Variants in GJB6 observed in about 807,000 individuals in gnomAD.
The protein encoded by GJB6 is gap junction beta-6 protein.
A neutral mutation model predicts 5.4 loss-of-function variants in GJB6; 5 were observed. The observed-to-expected ratio is 0.92, with a 90% CI of 0.48 to 1.93. The LOEUF is 1.93. Ranked by LOEUF, GJB6 falls within the 30% of genes most tolerant of loss-of-function variation. GJB6 has a pLI of 0.01. For synonymous variants in GJB6, 136 were observed against 129.6 expected (o/e 1.05, Z -0.34); for missense variants, 298 against 326.9 (o/e 0.91, Z 0.68).
At chr13:20,228,660 AT>A (rs796188895) in intron 4 of GJB6, among the ~76,000 whole-genome samples, 9 of 150,016 alleles carry the variant, frequency 6.0e-5, no homozygotes, top group Admixed American at 2.0e-4. Context: ...AATTTTTTGT[AT>A]TTTTAGTAGA....
At chr13:20,227,169 C>A (rs1218392392) in intron 4 of GJB6, among the ~76,000 whole-genome samples, 1 of 152,036 alleles carries the variant, frequency 6.6e-6, no homozygotes, top group Non-Finnish European at 1.5e-5. Flanking sequence ...ATTATAAGGG[C>A]AGTAGCTTTT....
chr13:20,223,646 T>A (rs1306705212), intron 4 of GJB6, among the ~76,000 whole-genome samples, 151 bp from the exon 5 acceptor site: 2 of 152,138 alleles, frequency 1.3e-5, no homozygotes, highest in African/African-American at 2.4e-5. Context: ...TGAGGTTTTC[T>A]GAAAAGGAAT....
chr13:20,231,775 C>T (rs746874908), intron 1 of GJB6, among the ~76,000 whole-genome samples: 58 of 152,354 alleles, frequency 3.8e-4, no homozygotes, highest in South Asian at 8.3e-4. Context: ...GGGGCACCGG[C>T]CCTCACTCTG....
chr13:20,224,957 C>T (rs937810125), intron 4 of GJB6, among the ~76,000 whole-genome samples: 10 of 152,306 alleles, frequency 6.6e-5, no homozygotes, highest in African/African-American at 1.2e-4. Flanking sequence ...CTCTGCATTA[C>T]GCTGGCTGCT....
chr13:20,225,149 C>T (rs1466045067), intron 4 of GJB6: 1 of 152,106 alleles, frequency 6.6e-6, no homozygotes, highest in Non-Finnish European at 1.5e-5. Context: ...TTTTTTTGCC[C>T]TTGGTTGGGT....
At chr13:20,228,391 A>C (rs1408693340) in intron 4 of GJB6, among the ~76,000 whole-genome samples, 1 of 152,228 alleles carries the variant, frequency 6.6e-6, no homozygotes, top group Non-Finnish European at 1.5e-5. Context: ...TTAAACTTAA[A>C]AAGGTAAACT....
chr13:20,230,228 G>C (rs556356599), intron 3 of GJB6: 1 of 152,200 alleles, frequency 6.6e-6, no homozygotes, highest in Admixed American at 6.5e-5. Flanking sequence ...GTAACAGCTA[G>C]TGATAACAAT....
chr13:20,228,612 G>A (rs1331402586), intron 4 of GJB6, among the ~76,000 whole-genome samples: 7 of 146,444 alleles, frequency 4.8e-5, no homozygotes, highest in South Asian at 2.1e-4. Flanking sequence ...GCCTCTCTGA[G>A]CAGCTGGGAC....
chr13:20,228,152 A>T (rs905610667), intron 4 of GJB6, among the ~76,000 whole-genome samples: 1 of 152,236 alleles, frequency 6.6e-6, no homozygotes, highest in African/African-American at 2.4e-5. Flanking sequence ...AAATCATCGC[A>T]TCCACTGGGA....
intron 4 of GJB6, among the ~76,000 whole-genome samples, chr13:20,227,988 G>T (rs1869710949): frequency 7.3e-6 from 1 of 137,662 alleles, no homozygotes; most frequent in Admixed American, 7.8e-5. Context: ...GATGTTGTGG[G>T]TTGGGGGTGG....
At chr13:20,225,807 T>G (rs1869535694) in intron 4 of GJB6, 1 of 152,222 alleles carries the variant, frequency 6.6e-6, no homozygotes, top group Non-Finnish European at 1.5e-5. Context: ...CACCGAGTCT[T>G]GGAATCACAA....
At chr13:20,228,396 T>TAA (rs1461248140) in intron 4 of GJB6, among the ~76,000 whole-genome samples, 1 of 152,226 alleles carries the variant, frequency 6.6e-6, no homozygotes, top group Non-Finnish European at 1.5e-5. Flanking sequence ...CTTAAAAAGG[T>TAA]AAACTGTGTT....
At chr13:20,231,248 G>A (rs1258393736) in intron 2 of GJB6, 134 bp downstream of exon 2, 2 of 152,268 alleles carry the variant, frequency 1.3e-5, no homozygotes, top group Non-Finnish European at 2.9e-5. Flanking sequence ...ACCCGGCACG[G>A]TTACGTTCAA....
chr13:20,229,801 C>G (rs1381406940), intron 3 of GJB6, 52 bp from the exon 4 acceptor site: 1 of 106,994 alleles, frequency 9.3e-6, no homozygotes, highest in Non-Finnish European at 2.0e-5. Context: ...CTCCCCCCCC[C>G]CCCGCCCCCC....
At chr13:20,229,116 C>T (rs1380399596) in intron 4 of GJB6, among the ~76,000 whole-genome samples, 1 of 78,508 alleles carries the variant, frequency 1.3e-5, no homozygotes, top group Non-Finnish European at 2.2e-5. Flanking sequence ...CTTTCAATGT[C>T]ATTTAGCAAA....
At chr13:20,228,756 T>A (rs555835338) in intron 4 of GJB6, among the ~76,000 whole-genome samples, 1 of 151,924 alleles carries the variant, frequency 6.6e-6, no homozygotes, top group African/African-American at 2.4e-5. Context: ...AGTGCTGGGA[T>A]TACAAGCATG....
At position 20,222,739 on chromosome 13, in the gene GJB6, T is replaced by A; in HGVS notation, c.742A>T (p.Ile248Phe). The change falls in exon 5 of 5, where the codon ATT becomes TTT. Residue 248 changes from isoleucine to phenylalanine, a missense_variant. Transcript: ENST00000647029. ...ATTGCATTTTGACCACTATCTGAAATCAGCTCATTCATTTCATTCTGCTTA... is the reference window on the plus strand; with the variant it reads ...ATTGCATTTTGACCACTATCTGAAAACAGCTCATTCATTTCATTCTGCTTA... ...ESKQNEMNELISDSGQNAITG... is the reference protein window; with the variant it reads ...ESKQNEMNELFSDSGQNAITG... The A allele has an allele frequency of 1.2e-6, 2 of 1,614,168 alleles. No homozygotes were observed. The highest frequency in any genetic ancestry group is 1.7e-6 in the Non-Finnish European group (2 of 1,179,986).
Position 20,223,061 on chromosome 13 carries a change from G to A in GJB6, c.420C>T (p.Ile140=), listed in dbSNP as rs1593363127. Residue 140 remains isoleucine, a synonymous_variant, in exon 5 of 5, where the codon ATC becomes ATT. Coordinates refer to ENST00000647029, the MANE Select transcript of GJB6 (RefSeq NM_001110219.3). ...GSLWWTYTSS[I]FFRIIFEAAF... ...CTGCTTCAAAGATGATTCGGAAAAA[G>A]ATGCTGCTGGTGTACGTCCACCACA... The A allele has an allele frequency of 6.2e-7, 1 of 1,614,192 alleles. No individual in the cohort carries two copies. Among genetic ancestry groups the A allele is most frequent in the African/African-American group, 1.3e-5 (1 of 75,046 alleles).
Position 20,222,795 on chromosome 13 carries a change from T to C in GJB6, c.686A>G (p.Lys229Arg). The change falls in exon 5 of 5, where the codon AAA becomes AGA. Residue 229 changes from lysine to arginine, a missense_variant. By Grantham distance (26) the Lys-to-Arg change is conservative. Coordinates refer to ENST00000647029, the MANE Select transcript of GJB6 (RefSeq NM_001110219.3). The stretch of plus-strand genomic sequence containing the variant: ...CTTTAGGGCATGATTGGGGTGATTT[T>C]TTTGCGTCTGTGCTCTCTTTGATCT... ...FRRSKRAQTQ[K>R]NHPNHALKES... The C allele has an allele frequency of 6.2e-7, 1 of 1,614,092 alleles. No homozygotes were observed. The highest frequency in any genetic ancestry group is 8.5e-7 in the Non-Finnish European group (1 of 1,179,928).
Sources: allele counts gnomAD v4.1 joint callset (sites outside exome capture counted in the v4.1 genomes callset), GRCh38; gene constraint gnomAD v4.1.1; transcripts MANE v1.5; gene names NCBI Gene and HGNC (gene_info 2026-07-23, HGNC 2026-07-21).